Variants in DCAF8 observed in about 807,000 individuals in gnomAD.
The protein encoded by DCAF8 is DDB1 and CUL4 associated factor 8.
DCAF8 carries 20 observed loss-of-function variants against 68.0 expected under a neutral mutation model. The observed-to-expected ratio is 0.29, with a 90% CI of 0.21 to 0.43. The LOEUF is 0.43. Among genes scored for constraint, DCAF8 ranks in the 20% least tolerant of loss-of-function variants. The probability of loss-of-function intolerance (pLI) is 1.00; values close to 1 mark genes in which losing one functional copy is unlikely to be tolerated. For missense variants in DCAF8, 460 were observed against 771.0 expected (o/e 0.60, Z 4.78); for synonymous variants, 230 against 276.9 (o/e 0.83, Z 1.68).
intron 6 of DCAF8, among the ~76,000 whole-genome samples, chr1:160,234,249 A>AAG (rs1188250058): frequency 2.0e-5 from 3 of 151,778 alleles, no homozygotes; most frequent in African/African-American, 7.3e-5. Flanking sequence ...CCTCAAAAAA[A>AAG]AAAAAAAATG....
At chr1:160,253,401 A>G (rs753628305) in intron 2 of DCAF8, among the ~76,000 whole-genome samples, 16 of 152,096 alleles carry the variant, frequency 1.1e-4, no homozygotes, top group Non-Finnish European at 1.9e-4. Flanking sequence ...TAATCCCAGC[A>G]CTTTGGGAGG....
chr1:160,224,568 T>G lies in DCAF8; in HGVS notation c.1202-19A>C. 6.3e-7 allele frequency: 1 copy of G among 1,596,698 alleles called. No individual in the cohort carries two copies. The highest frequency in any genetic ancestry group is 1.1e-5 in the South Asian group (1 of 90,750). ...AGGAGCTCTGCCAAGAACAAGAACA[T>G]AGCAGTGAAGGCAAAGGCTGAAAAA... On this transcript the variant is annotated intron_variant, in intron 9 of 13. Transcript: ENST00000368074.
intron 3 of DCAF8, among the ~76,000 whole-genome samples, chr1:160,240,598 A>G (rs563869884): frequency 6.6e-6 from 1 of 152,354 alleles, no homozygotes; most frequent in Non-Finnish European, 1.5e-5. Flanking sequence ...CTTCAACAAA[A>G]GCAAAGAATC....
intron 2 of DCAF8, among the ~76,000 whole-genome samples, chr1:160,244,311 A>G (rs1480289471): frequency 6.6e-6 from 1 of 152,260 alleles, no homozygotes; most frequent in African/African-American, 2.4e-5. Context: ...TTCAGATGCG[A>G]AAGTGGGAAC....
rs965619612 is a variant in DCAF8, at chr1:160,240,513, A to G, written c.50-143T>C. ...GTTTTCATTACAAATAATTACAGAG[A>G]GTACCCTCTGAGGGGAAATCTTGTA... On this transcript the variant is annotated intron_variant, in intron 3 of 13. Coordinates refer to ENST00000368074, the MANE Select transcript of DCAF8 (RefSeq NM_015726.4). The G allele has an allele frequency of 4.1e-6, 3 of 728,750 alleles. No homozygotes were observed. In the Admixed American group the frequency reaches 9.0e-5, roughly 22 times the overall value. 45.1% of individuals were successfully genotyped at this position (728,750 alleles called of 1,614,324 possible).
At chr1:160,243,193 T>C (rs760164560) in intron 3 of DCAF8, among the ~76,000 whole-genome samples, 1 of 152,182 alleles carries the variant, frequency 6.6e-6, no homozygotes, top group Non-Finnish European at 1.5e-5. Flanking sequence ...GTGGTAGTTA[T>C]ACTCTATTAG....
chr1:160,239,439 A>C, intron 4 of DCAF8: 4 of 1,436,318 alleles, frequency 2.8e-6, no homozygotes. Flanking sequence ...CTTATACTAC[A>C]CTGCCTCCTA....
intron 2 of DCAF8, among the ~76,000 whole-genome samples, chr1:160,258,576 G>A (rs932322779): frequency 3.3e-5 from 5 of 151,694 alleles, no homozygotes; most frequent in South Asian, 2.1e-4. Context: ...CACTTGAGCC[G>A]GGCAAGTAAG....
rs11284812 is a variant in DCAF8, at chr1:160,256,012, CTTTTT to C, written c.-27+5268_-27+5272del. 2.4e-3 allele frequency among the ~76,000 whole-genome samples: 185 copies of C among 75,512 alleles called. 3 individuals are homozygous for C. The East Asian group carries it at 0.033, about 13-fold the overall frequency. The allele number at this position is 75,512 out of a possible 152,430, so 49.5% of individuals were successfully genotyped here. A position where few individuals can be genotyped will look rare whatever the true frequency, so the allele number is the denominator to read the frequency against. ...ATTTCCAGCAGCAGAACTAAGCAAA[CTTTTT>C]TTTTTTTTTTTTTTTTTTTTTTTAA... is the stretch of plus-strand genomic sequence containing the variant. On this transcript the variant is annotated intron_variant, in intron 2 of 13. Coordinates refer to ENST00000368074, the MANE Select transcript of DCAF8 (RefSeq NM_015726.4).
intron 7 of DCAF8, among the ~76,000 whole-genome samples, 200 bp downstream of exon 7, chr1:160,231,097 A>C (rs1271343984): frequency 6.6e-6 from 1 of 152,106 alleles, no homozygotes; most frequent in African/African-American, 2.4e-5. Flanking sequence ...AAAATATGTA[A>C]AGTCACCCCT....
At chr1:160,262,178 G>A (rs1192087900) in intron 1 of DCAF8, 2 of 396,450 alleles carry the variant, frequency 5.0e-6, no homozygotes, top group African/African-American at 2.1e-5. Context: ...GAAAAGACCT[G>A]AGCGCTAAGA....
chr1:160,235,695 T>C (rs1017620873), intron 6 of DCAF8, among the ~76,000 whole-genome samples: 1 of 151,336 alleles, frequency 6.6e-6, no homozygotes, highest in Non-Finnish European at 1.5e-5. Context: ...AGGTACAAAA[T>C]GTATACAAAA....
intron 2 of DCAF8, among the ~76,000 whole-genome samples, chr1:160,255,376 C>T (rs1010167286): frequency 6.6e-6 from 1 of 152,156 alleles, no homozygotes; most frequent in African/African-American, 2.4e-5. Context: ...TCAAGTAATC[C>T]TCCTACCTTG....
rs186185838 is a variant in DCAF8, at chr1:160,255,429, T to A, written c.-27+5856A>T. Among the ~76,000 whole-genome samples the A allele has an allele frequency of 6.0e-4, 91 of 152,254 alleles. 1 individual carries two copies. The highest frequency in any genetic ancestry group is 2.1e-3 in the African/African-American group (88 of 41,554). On this transcript the variant is annotated intron_variant, in intron 2 of 13. Coordinates refer to ENST00000368074, the MANE Select transcript of DCAF8 (RefSeq NM_015726.4). ...GATTATAGGTATGTACCACCACACC[T>A]GGCCTCTTCTCCCTCTTGAAGGTTC...
intron 11 of DCAF8, among the ~76,000 whole-genome samples, chr1:160,222,392 T>TCAGGA (rs1278227422): frequency 6.6e-6 from 1 of 152,158 alleles, no homozygotes; most frequent in Non-Finnish European, 1.5e-5. Flanking sequence ...GTTACATCAC[T>TCAGGA]CAGGACAGGA....
rs889565095 is a variant in DCAF8, at chr1:160,216,000, G to T, written c.*1592C>A. The T allele has an allele frequency of 6.6e-6, 1 of 152,118 alleles. No homozygotes were observed. Among genetic ancestry groups the T allele is most frequent in the African/African-American group, 2.4e-5 (1 of 41,410 alleles). The allele number at this position is 152,118 out of a possible 1,614,324, so 9.4% of individuals were successfully genotyped here. On this transcript the variant is annotated 3_prime_UTR_variant, in exon 14 of 14. Coordinates refer to ENST00000368074, the MANE Select transcript of DCAF8 (RefSeq NM_015726.4). ...GACTGTCCCAGGATACAGAATTCTT[G>T]GTTGGATCTTGTGGAACTGGGGGCA...
At chr1:160,262,199 C>T (rs1186904264) in intron 1 of DCAF8, 3 of 396,086 alleles carry the variant, frequency 7.6e-6, no homozygotes, top group East Asian at 3.6e-5. Context: ...GCTTGGGATA[C>T]GGGTCAGGCC....
At position 160,241,369 on chromosome 1, in the gene DCAF8, C is replaced by T. The variant is rs910465233; in HGVS notation, c.50-999G>A. 3.3e-5 allele frequency among the ~76,000 whole-genome samples: 5 copies of T among 152,162 alleles called. No individual in the cohort carries two copies. In the South Asian group the frequency reaches 1.0e-3, roughly 31 times the overall value. On this transcript the variant is annotated intron_variant, in intron 3 of 13. Transcript: ENST00000368074. Reference sequence around the variant, plus strand: ...TAATTCTTAGTCACACATTTTTAGTCTCTCTATTGAGACAGTTTTATTAGG... The same window carrying T: ...TAATTCTTAGTCACACATTTTTAGTTTCTCTATTGAGACAGTTTTATTAGG...
intron 12 of DCAF8, 117 bp from the exon 13 acceptor site, chr1:160,218,557 A>G: frequency 1.2e-6 from 1 of 855,944 alleles, no homozygotes; most frequent in Non-Finnish European, 1.9e-6. Context: ...GTGGAGCTAC[A>G]TTAGATTAGG....
Sources: gnomAD v4.1 joint callset for allele counts (sites outside exome capture counted in the v4.1 genomes callset) on GRCh38, gnomAD v4.1.1 for gene constraint, MANE v1.5 for transcripts, NCBI Gene and HGNC (gene_info 2026-07-23, HGNC 2026-07-21) for gene names.